AFF2: variants seen among roughly 807,000 people sequenced by gnomAD.
AFF2 encodes the protein AF4/FMR2 family member 2.
AFF2 carries 14 observed loss-of-function variants against 76.9 expected under a neutral mutation model. The observed-to-expected ratio is 0.18, with a 90% CI of 0.12 to 0.28. AFF2 has a LOEUF of 0.28. Ranked by LOEUF, AFF2 falls within the 10% of genes least tolerant of loss-of-function variation. AFF2 has a pLI of 1.00. For missense variants in AFF2, 868 were observed against 1,001.1 expected, an observed-to-expected ratio of 0.87 and a Z score of 1.79; for synonymous variants, 398 against 366.7, an observed-to-expected ratio of 1.09 and a Z score of -0.98.
At chrX:148,600,791 C>T (rs782819481) in intron 1 of AFF2, among the ~76,000 whole-genome samples, 12 of 112,205 alleles carry the variant, frequency 1.1e-4, no homozygotes, top group African/African-American at 3.9e-4. Flanking sequence ...GTGCCTGCTC[C>T]CAAGTCAGTT....
chrX:148,559,977 T>C (rs1330510887), intron 1 of AFF2, among the ~76,000 whole-genome samples: 1 of 112,270 alleles, frequency 8.9e-6, no homozygotes, highest in Non-Finnish European at 1.9e-5. Context: ...TTCTAACTGG[T>C]ATGAGATGGT....
At chrX:148,709,959 A>G (rs1557262757) in intron 3 of AFF2, among the ~76,000 whole-genome samples, 1 of 111,867 alleles carries the variant, frequency 8.9e-6, no homozygotes, top group Admixed American at 9.5e-5. Flanking sequence ...AAAGCCTAAA[A>G]TAAGAATAGG....
intron 3 of AFF2, among the ~76,000 whole-genome samples, chrX:148,753,650 C>T (rs966592593): frequency 2.2e-4 from 25 of 111,996 alleles, no homozygotes; most frequent in African/African-American, 7.8e-4. Context: ...GTTTTAATCT[C>T]CTGTAGCTAT....
At chrX:148,758,584 G>T (rs1434754152) in intron 3 of AFF2, among the ~76,000 whole-genome samples, 1 of 110,927 alleles carries the variant, frequency 9.0e-6, no homozygotes, top group Non-Finnish European at 1.9e-5. Context: ...ATGAGTATGT[G>T]GTTTTCTGTC....
At chrX:148,632,905 C>G (rs782076890) in intron 1 of AFF2, among the ~76,000 whole-genome samples, 78 of 111,877 alleles carry the variant, frequency 7.0e-4, no homozygotes, top group Admixed American at 1.1e-3. Context: ...AAACCCAGGT[C>G]TCCACTTCTA....
At chrX:148,732,346 A>G (rs1280012666) in intron 3 of AFF2, among the ~76,000 whole-genome samples, 1 of 95,468 alleles carries the variant, frequency 1.0e-5, no homozygotes, top group Non-Finnish European at 2.1e-5. Context: ...AACACCGCAT[A>G]TTCTCACTCA....
At chrX:148,714,449 ACT>A (rs1177628837) in intron 3 of AFF2, among the ~76,000 whole-genome samples, 5 of 110,669 alleles carry the variant, frequency 4.5e-5, no homozygotes, top group Admixed American at 9.6e-5. Context: ...AAGATAGAAA[ACT>A]CTGAAACTCA....
chrX:148,714,229 A>T (rs1299206153), intron 3 of AFF2, among the ~76,000 whole-genome samples: 1 of 112,311 alleles, frequency 8.9e-6, no homozygotes, highest in Non-Finnish European at 1.9e-5. Context: ...TAATTGAAGA[A>T]ATATGTAAAC....
intron 3 of AFF2, among the ~76,000 whole-genome samples, chrX:148,770,319 T>C (rs782055204): frequency 2.9e-4 from 32 of 111,828 alleles, no homozygotes; most frequent in African/African-American, 9.4e-4. Context: ...CAGCAGCTCA[T>C]TCTATACGTG....
chrX:148,956,112 T>C lies in AFF2; in HGVS notation c.2067T>C (p.Pro689=). The C allele has an allele frequency of 2.5e-6, 3 of 1,210,200 alleles. No individual in the cohort carries two copies. The highest frequency in any genetic ancestry group is 3.4e-6 in the Non-Finnish European group (3 of 895,127). Residue 689 remains proline, a synonymous_variant, in exon 11 of 21, where the codon CCT becomes CCC. Transcript: ENST00000370460. ...GGAAAGAACCAAGACCTAACATCCCTTTGGCTCCCGAGAAGAAGAAGTACA... is the reference window on the plus strand; with the variant it reads ...GGAAAGAACCAAGACCTAACATCCCCTTGGCTCCCGAGAAGAAGAAGTACA... ...APRKEPRPNI[P]LAPEKKKYRG...
intron 1 of AFF2, among the ~76,000 whole-genome samples, chrX:148,637,359 G>A (rs1257822157): frequency 2.7e-5 from 3 of 112,068 alleles, no homozygotes; most frequent in Non-Finnish European, 3.8e-5. Flanking sequence ...ATAGAAAAGG[G>A]GAGATAATTA....
At chrX:148,916,412 A>G (rs2071533275) in intron 9 of AFF2, among the ~76,000 whole-genome samples, 1 of 107,654 alleles carries the variant, frequency 9.3e-6, no homozygotes. Context: ...GGGTTTCACC[A>G]GATTAGCCAG....
intron 3 of AFF2, among the ~76,000 whole-genome samples, chrX:148,667,839 C>T (rs1249424686): frequency 9.0e-6 from 1 of 111,690 alleles, no homozygotes; most frequent in Non-Finnish European, 1.9e-5. Flanking sequence ...AATCCACCCC[C>T]AGCCCCTCCC....
intron 3 of AFF2, among the ~76,000 whole-genome samples, chrX:148,709,980 A>G (rs186704446): frequency 6.3e-5 from 7 of 111,902 alleles, no homozygotes; most frequent in African/African-American, 3.2e-5. Context: ...TTCATGACCT[A>G]TAAATACTTA....
chrX:148,911,391 C>T (rs143132423), intron 9 of AFF2, among the ~76,000 whole-genome samples: 71 of 111,538 alleles, frequency 6.4e-4, no homozygotes, highest in Admixed American at 1.2e-3. Flanking sequence ...CACAGACATG[C>T]AGAATGTCAG....
intron 1 of AFF2, among the ~76,000 whole-genome samples, chrX:148,580,664 A>G (rs1036836005): frequency 3.6e-5 from 4 of 110,884 alleles, no homozygotes; most frequent in African/African-American, 1.3e-4. Flanking sequence ...AAAATTTTAA[A>G]GAAAATTATT....
At chrX:148,545,594 T>G (rs1017868645) in intron 1 of AFF2, among the ~76,000 whole-genome samples, 4 of 111,433 alleles carry the variant, frequency 3.6e-5, no homozygotes, top group Non-Finnish European at 7.5e-5. Flanking sequence ...GTAGTCCTAC[T>G]TAGTGTCTGT....
intron 4 of AFF2, among the ~76,000 whole-genome samples, chrX:148,833,601 CAA>C (rs66560290): frequency 0.012 from 1,193 of 96,444 alleles, 9 homozygotes; most frequent in Middle Eastern, 0.026. Context: ...GACGCTGTCT[CAA>C]AAAAAAAAAA....
chrX:148,863,091 C>T (rs1436885876), intron 7 of AFF2, among the ~76,000 whole-genome samples: 1 of 111,916 alleles, frequency 8.9e-6, no homozygotes, highest in African/African-American at 3.2e-5. Context: ...TATATTGTAA[C>T]AGCTACCTTA....
Sources: allele counts gnomAD v4.1 joint callset (sites outside exome capture counted in the v4.1 genomes callset), GRCh38; gene constraint gnomAD v4.1.1; transcripts MANE v1.5; gene names NCBI Gene and HGNC (gene_info 2026-07-23, HGNC 2026-07-21).